The following COLEC11 variants were observed in gnomAD, a reference collection of about 807,000 sequenced individuals.
COLEC11 encodes collectin subfamily member 11.
COLEC11 carries 20 observed loss-of-function variants against 27.3 expected under a neutral mutation model. That is an observed-to-expected ratio of 0.73 (90% CI 0.51 to 1.06). The LOEUF is 1.06. Ranked by LOEUF, COLEC11 falls within the 50% of genes least tolerant of loss-of-function variation. The pLI is 0.00. For missense variants in COLEC11, 310 were observed against 383.0 expected, an observed-to-expected ratio of 0.81 and a Z score of 1.59; for synonymous variants, 163 against 154.7, an observed-to-expected ratio of 1.05 and a Z score of -0.40.
chr2:3,643,391 C>T (rs1666014428), intron 5 of COLEC11, 53 bp from the exon 6 acceptor site: 1 of 1,459,166 alleles, frequency 6.9e-7, no homozygotes, highest in Non-Finnish European at 9.6e-7. Context: ...CGCCTCTCTT[C>T]TGAGTCCGAG....
intron 2 of COLEC11, 121 bp downstream of exon 2, chr2:3,604,591 T>G: frequency 9.3e-7 from 1 of 1,079,556 alleles, no homozygotes; most frequent in Non-Finnish European, 1.4e-6. Context: ...CTTACCCCAT[T>G]GGGTCTCAGT....
intron 5 of COLEC11, among the ~76,000 whole-genome samples, chr2:3,642,678 C>G (rs963108353): frequency 1.3e-5 from 2 of 152,248 alleles, no homozygotes; most frequent in African/African-American, 4.8e-5. Context: ...ACATTCCTGC[C>G]GCATCATCCA....
chr2:3,627,801 C>T (rs1331726597), intron 3 of COLEC11, among the ~76,000 whole-genome samples: 1 of 151,370 alleles, frequency 6.6e-6, no homozygotes, highest in Non-Finnish European at 1.5e-5. Flanking sequence ...CGATGCTGGG[C>T]ACAATGCTGC....
intron 2 of COLEC11, among the ~76,000 whole-genome samples, chr2:3,609,473 GCTC>G (rs750384241): frequency 1.1e-3 from 157 of 144,354 alleles, no homozygotes; most frequent in Non-Finnish European, 1.9e-3. Flanking sequence ...GGGCTGAAGA[GCTC>G]CTCCCACATC....
rs530474704 is a variant in COLEC11 at position 3,613,115 on chromosome 2, A to G, written c.131-196A>G. Among the ~76,000 whole-genome samples, 9 of 145,514 alleles carry G rather than the reference A, an allele frequency of 6.2e-5. No homozygotes were observed. In the South Asian group the frequency reaches 1.9e-3, roughly 30 times the overall value. ...AGAGAGAAGGTAGGGCAGGGAGACA[A>G]ATAGCCCTAAAAGCAGAATCAGGGG... On this transcript the variant is annotated intron_variant, in intron 2 of 6. Coordinates refer to ENST00000349077, the MANE Select transcript of COLEC11 (RefSeq NM_024027.5).
intron 3 of COLEC11, among the ~76,000 whole-genome samples, chr2:3,623,743 C>T (rs967278312): frequency 4.6e-5 from 7 of 152,054 alleles, no homozygotes; most frequent in Admixed American, 3.3e-4. Flanking sequence ...TCTATGTTCT[C>T]TTGTATCTCA....
intron 3 of COLEC11, among the ~76,000 whole-genome samples, chr2:3,624,682 C>T (rs1235252832): frequency 6.6e-6 from 1 of 152,224 alleles, no homozygotes; most frequent in African/African-American, 2.4e-5. Context: ...TTCTTACCCT[C>T]ATCAGTGCAT....
In COLEC11 at chr2:3,603,460, G is replaced by C; in HGVS notation, c.-26-855G>C. 2 of 595,892 alleles carry C rather than the reference G, an allele frequency of 3.4e-6. 1 individual carries two copies. 36.9% of individuals were successfully genotyped at this position (595,892 alleles called of 1,614,324 possible). ...GCCTCCCAAGTAGCTGGGATTAGAG[G>C]TGCCCGCCACCACACCCAGCTAATT... On this transcript the variant is annotated intron_variant, in intron 1 of 6. Coordinates refer to ENST00000349077, the MANE Select transcript of COLEC11 (RefSeq NM_024027.5).
chr2:3,613,957 T>G lies in COLEC11; in HGVS notation c.202+575T>G, dbSNP rs150024795. On this transcript the variant is annotated intron_variant, in intron 3 of 6. Coordinates refer to ENST00000349077, the MANE Select transcript of COLEC11 (RefSeq NM_024027.5). ...TACTGCTTAAAATTTTTTTAAGTGT[T>G]TTTTCTTTTTCTTTCTTTCTTTCTT... Among the ~76,000 whole-genome samples the G allele has an allele frequency of 2.1e-4, 31 of 146,158 alleles. No individual in the cohort carries two copies. In the East Asian group the frequency reaches 5.4e-3, roughly 25 times the overall value.
At chr2:3,631,576 A>AAGGG (rs1665003389) in intron 3 of COLEC11, among the ~76,000 whole-genome samples, 1 of 152,148 alleles carries the variant, frequency 6.6e-6, no homozygotes, top group African/African-American at 2.4e-5. Context: ...TTTAGGGCAG[A>AAGGG]AGGGAATAAG....
intron 3 of COLEC11, among the ~76,000 whole-genome samples, chr2:3,616,351 C>T (rs543197759): frequency 9.9e-5 from 15 of 151,538 alleles, no homozygotes; most frequent in African/African-American, 2.0e-4. Context: ...ACTTCCCAGA[C>T]GGGGTGGCGG....
intron 3 of COLEC11, among the ~76,000 whole-genome samples, chr2:3,623,674 CTCTT>C (rs1664332311): frequency 6.6e-6 from 1 of 151,852 alleles, no homozygotes; most frequent in Non-Finnish European, 1.5e-5. Flanking sequence ...AAATCTCTAT[CTCTT>C]CATTGAATTC....
chr2:3,631,123 C>G (rs922366633), intron 3 of COLEC11, among the ~76,000 whole-genome samples: 1 of 152,040 alleles, frequency 6.6e-6, no homozygotes, highest in Non-Finnish European at 1.5e-5. Context: ...CCCAACTACT[C>G]AGGAGACTGA....
intron 3 of COLEC11, among the ~76,000 whole-genome samples, chr2:3,618,387 T>A (rs1663938759): frequency 6.6e-6 from 1 of 151,946 alleles, no homozygotes; most frequent in Admixed American, 6.5e-5. Context: ...AAGACAAGGA[T>A]TCAGTTTTGT....
intron 2 of COLEC11, among the ~76,000 whole-genome samples, chr2:3,608,870 G>A (rs1327606164): frequency 6.6e-6 from 1 of 152,218 alleles, no homozygotes; most frequent in Non-Finnish European, 1.5e-5. Context: ...CTGAACCAGG[G>A]ATTAAAATAC....
chr2:3,597,685 A>C (rs1022847393), intron 1 of COLEC11, among the ~76,000 whole-genome samples: 5 of 152,036 alleles, frequency 3.3e-5, no homozygotes, highest in African/African-American at 4.8e-5. Flanking sequence ...AAAAAAAAAA[A>C]AAACTAAACC....
intron 1 of COLEC11, among the ~76,000 whole-genome samples, chr2:3,597,401 T>G (rs1232721005): frequency 2.0e-5 from 3 of 146,812 alleles, no homozygotes; most frequent in African/African-American, 7.7e-5. Flanking sequence ...ATGAATGGAG[T>G]GAAGGCACGA....
chr2:3,626,175 C>T, intron 3 of COLEC11: 2 of 1,156,942 alleles, frequency 1.7e-6, no homozygotes, highest in Non-Finnish European at 2.6e-6. Context: ...CCCATGGCCA[C>T]ATGGCTTGGA....
At chr2:3,643,687 C>T in intron 6 of COLEC11, 40 bp from the exon 7 acceptor site, 4 of 1,613,132 alleles carry the variant, frequency 2.5e-6, no homozygotes, top group South Asian at 1.1e-5. Context: ...TTGTTGCACA[C>T]ATACAAGTGC....
Sources: allele counts gnomAD v4.1 joint callset (sites outside exome capture counted in the v4.1 genomes callset), GRCh38; gene constraint gnomAD v4.1.1; transcripts MANE v1.5; gene names NCBI Gene and HGNC (gene_info 2026-07-23, HGNC 2026-07-21).